The following SLC5A4 variants were observed in gnomAD, a reference collection of about 807,000 sequenced individuals.
The protein encoded by SLC5A4 is probable glucose sensor protein SLC5A4.
Under a neutral mutation model 70.3 loss-of-function variants are expected in SLC5A4, and 55 were observed. The ratio of observed to expected loss-of-function variants is 0.78; its 90% CI spans 0.63 to 0.98. SLC5A4 has a LOEUF of 0.98. SLC5A4 is among the 50% of genes least tolerant of loss of function. The pLI, the probability that SLC5A4 is intolerant of heterozygous loss-of-function variation, is 0.00. For synonymous variants in SLC5A4, 268 were observed against 305.7 expected, an observed-to-expected ratio of 0.88 and a Z score of 1.29; for missense variants, 735 against 839.2, an observed-to-expected ratio of 0.88 and a Z score of 1.53.
chr22:32,233,689 C>T (rs114755436), intron 8 of SLC5A4, among the ~76,000 whole-genome samples: 2,644 of 152,000 alleles, frequency 0.017, 59 homozygotes, highest in African/African-American at 0.055. Flanking sequence ...TGGCCAGGTG[C>T]GGTGGCTCAC....
In SLC5A4 at chr22:32,230,998, G is replaced by T; in HGVS notation, c.1099C>A (p.Pro367Thr). 1 of 1,613,532 alleles carries T rather than the reference G, an allele frequency of 6.2e-7. No homozygotes were observed. The highest frequency in any genetic ancestry group is 8.5e-7 in the Non-Finnish European group (1 of 1,179,470). The change falls in exon 10 of 15, where the codon CCC becomes ACC. Residue 367 changes from proline (P) to threonine (T), a missense_variant. By Grantham distance (38) the Pro-to-Thr change is conservative. Coordinates refer to ENST00000266086, the MANE Select transcript of SLC5A4 (RefSeq NM_014227.3). ...GGCATCAGTTCCAGCACCATCGTGG[G>T]GTATGCGTAGTTGGTGCAGCCAACA... ...VDVGCTNYAY[P>T]TMVLELMPQG...
At chr22:32,281,351 T>G in the SLC5A4 span, among the ~76,000 whole-genome samples, 1 of 152,096 alleles carries the variant, frequency 6.6e-6, no homozygotes. Context: ...GCTGCTCTCC[T>G]CTGGGGTTGG....
In SLC5A4 at chr22:32,224,306, C is replaced by CAGGGTGA; in HGVS notation, c.1619_1625dup (p.Gly543HisfsTer13). 6.2e-7 allele frequency: 1 copy of CAGGGTGA among 1,613,968 alleles called. No individual in the cohort carries two copies. The highest frequency in any genetic ancestry group is 8.5e-7 in the Non-Finnish European group (1 of 1,179,906). On this transcript the variant is annotated frameshift_variant, in exon 13 of 15. Coordinates refer to ENST00000266086, the MANE Select transcript of SLC5A4 (RefSeq NM_014227.3). LOFTEE classifies it high-confidence loss of function. ...TGGGTTTTGTTAAGAGGGAAATTCCCAGGGTGACCAGCATGGACCCAAAAA... is the reference window on the plus strand; with the variant it reads ...TGGGTTTTGTTAAGAGGGAAATTCCCAGGGTGAAGGGTGACCAGCATGGACCCAAAAA...
chr22:32,240,278 A>G (rs1165322473), intron 5 of SLC5A4, among the ~76,000 whole-genome samples: 2 of 152,044 alleles, frequency 1.3e-5, no homozygotes, highest in African/African-American at 4.8e-5. Context: ...TAGGGCCCTT[A>G]GGTCTAACCA....
At chr22:32,299,023 C>T in the SLC5A4 span, among the ~76,000 whole-genome samples, 17 of 141,570 alleles carry the variant, frequency 1.2e-4, no homozygotes, top group East Asian at 1.2e-3. Flanking sequence ...CCGAGAGATC[C>T]GCTGTTAGTC....
In SLC5A4 at chr22:32,251,784, T is replaced by A; in HGVS notation, c.298A>T (p.Thr100Ser). The A allele has an allele frequency of 6.2e-7, 1 of 1,608,522 alleles. No homozygotes were observed. The highest frequency in any genetic ancestry group is 8.5e-7 in the Non-Finnish European group (1 of 1,174,936). Residue 100 changes from threonine (T) to serine (S), a missense_variant, in exon 3 of 15, where the codon ACA becomes TCA. Thr to Ser is a moderately conservative substitution (Grantham distance 58, BLOSUM62 1). Transcript: ENST00000266086. ...ATGTCACTTACAGTCCATTCAAATG[T>A]TACGGTGGCGACTCCTGAAGCTGCT... ...TGAASGVATV[T>S]FEWTSSVMLL... is the part of the protein sequence containing the mutation.
At chr22:32,239,167 A>C (rs991839950) in intron 5 of SLC5A4, 77 bp from the exon 6 acceptor site, 1 of 1,009,082 alleles carries the variant, frequency 9.9e-7, no homozygotes, top group Non-Finnish European at 1.5e-6. Flanking sequence ...TGTCCACTCT[A>C]CTCAACCCTT....
chr22:32,256,627 T>C (rs927783022), upstream of SLC5A4, among the ~76,000 whole-genome samples: 3 of 152,206 alleles, frequency 2.0e-5, no homozygotes, highest in Non-Finnish European at 2.9e-5. Flanking sequence ...TTTCTTACTA[T>C]ATAAATTTGC....
At chr22:32,352,134 G>C in the SLC5A4 span, among the ~76,000 whole-genome samples, 1 of 151,910 alleles carries the variant, frequency 6.6e-6, no homozygotes. Context: ...GGATGAAGCT[G>C]GAAACCATCA....
chr22:32,330,208 G>A, the SLC5A4 span, among the ~76,000 whole-genome samples: 6 of 133,320 alleles, frequency 4.5e-5, 1 homozygote. Flanking sequence ...TGGGCCCTGT[G>A]TGTATTGCGG....
At chr22:32,245,896 T>G (rs1039236201) in intron 5 of SLC5A4, among the ~76,000 whole-genome samples, 3 of 152,200 alleles carry the variant, frequency 2.0e-5, no homozygotes, top group African/African-American at 7.2e-5. Context: ...GTCCAACGAT[T>G]TAAGAGACGT....
At chr22:32,279,965 A>G in the SLC5A4 span, among the ~76,000 whole-genome samples, 1 of 152,170 alleles carries the variant, frequency 6.6e-6, no homozygotes, top group Non-Finnish European at 1.5e-5. Context: ...CAGGTGGCCC[A>G]TGCCCTGCGA....
chr22:32,328,169 C>T, the SLC5A4 span, among the ~76,000 whole-genome samples: 1 of 152,204 alleles, frequency 6.6e-6, no homozygotes, highest in East Asian at 1.9e-4. Flanking sequence ...GTTGACTTTT[C>T]CCTTCTGCCC....
At chr22:32,339,778 C>G in the SLC5A4 span, among the ~76,000 whole-genome samples, 1 of 152,208 alleles carries the variant, frequency 6.6e-6, no homozygotes, top group East Asian at 1.9e-4. Context: ...TAAACCCCTG[C>G]CTGGTAGCCC....
chr22:32,304,593 TTGAG>T, the SLC5A4 span, among the ~76,000 whole-genome samples: 1 of 152,226 alleles, frequency 6.6e-6, no homozygotes, highest in Non-Finnish European at 1.5e-5. Flanking sequence ...TTTCTTATGG[TTGAG>T]TTTTAAGAAT....
the SLC5A4 span, among the ~76,000 whole-genome samples, chr22:32,350,675 C>G: frequency 6.6e-6 from 1 of 151,766 alleles, no homozygotes; most frequent in Non-Finnish European, 1.5e-5. Flanking sequence ...AAACTGCAAC[C>G]GATCTACTCT....
At chr22:32,334,629 G>T in the SLC5A4 span, among the ~76,000 whole-genome samples, 1 of 152,176 alleles carries the variant, frequency 6.6e-6, no homozygotes, top group African/African-American at 2.4e-5. Context: ...TAAACGAACG[G>T]AACCACTCTC....
chr22:32,275,530 C>T, the SLC5A4 span, among the ~76,000 whole-genome samples: 15 of 152,164 alleles, frequency 9.9e-5, no homozygotes, highest in African/African-American at 3.6e-4. Context: ...ATCCACGTCC[C>T]TACAAAGGAC....
the SLC5A4 span, among the ~76,000 whole-genome samples, chr22:32,353,190 A>G: frequency 6.6e-6 from 1 of 152,122 alleles, no homozygotes; most frequent in Non-Finnish European, 1.5e-5. Context: ...GAGACACCAC[A>G]GTGCCCGGGC....
Sources: allele counts gnomAD v4.1 joint callset (sites outside exome capture counted in the v4.1 genomes callset), GRCh38; gene constraint gnomAD v4.1.1; transcripts MANE v1.5; gene names NCBI Gene and HGNC (gene_info 2026-07-23, HGNC 2026-07-21).